CDH12: variants seen among roughly 807,000 people sequenced by gnomAD.
CDH12 encodes the protein cadherin-12.
Under a neutral mutation model 74.1 loss-of-function variants are expected in CDH12, and 41 were observed. That is an observed-to-expected ratio of 0.55 (90% CI 0.43 to 0.72). The LOEUF is 0.72. Ranked by LOEUF, CDH12 falls within the 30% of genes least tolerant of loss-of-function variation. The pLI is 0.00. For synonymous variants in CDH12, 399 were observed against 355.0 expected (o/e 1.12, Z -1.39); for missense variants, 945 against 977.2 (o/e 0.97, Z 0.44).
chr5:21,875,671 A>C (rs1316091818), intron 6 of CDH12, among the ~76,000 whole-genome samples: 2 of 10,566 alleles, frequency 1.9e-4, no homozygotes, highest in Admixed American at 2.0e-3. Context: ...GTACTTCCGG[A>C]AGTACTGGAC....
intron 4 of CDH12, among the ~76,000 whole-genome samples, chr5:22,197,887 TTTTTC>T (rs1750712893): frequency 6.6e-6 from 1 of 152,160 alleles, no homozygotes; most frequent in African/African-American, 2.4e-5. Flanking sequence ...CTTTCTTATT[TTTTTC>T]TTTTCTTATG....
chr5:22,275,297 A>G (rs1580470860), intron 3 of CDH12, among the ~76,000 whole-genome samples: 1 of 151,938 alleles, frequency 6.6e-6, no homozygotes, highest in Admixed American at 6.6e-5. Flanking sequence ...GTACAATAAT[A>G]AAAAAAAGGA....
chr5:22,650,172 A>T (rs543186108), intron 1 of CDH12, among the ~76,000 whole-genome samples: 1 of 152,164 alleles, frequency 6.6e-6, no homozygotes, highest in African/African-American at 2.4e-5. Context: ...AGTGCTAGAA[A>T]ATGATTAGTA....
At chr5:22,321,567 C>T (rs918290227) in intron 3 of CDH12, among the ~76,000 whole-genome samples, 84 of 146,416 alleles carry the variant, frequency 5.7e-4, no homozygotes, top group African/African-American at 1.9e-3. Flanking sequence ...GTGGGTGCAG[C>T]GCACCAGCAC....
At chr5:22,596,351 G>A (rs908994433) in intron 1 of CDH12, among the ~76,000 whole-genome samples, 2 of 152,012 alleles carry the variant, frequency 1.3e-5, no homozygotes, top group Non-Finnish European at 2.9e-5. Context: ...TGAGGCAGGA[G>A]AATCTCTTGA....
chr5:22,256,936 A>G (rs994900015), intron 3 of CDH12, among the ~76,000 whole-genome samples: 2 of 152,196 alleles, frequency 1.3e-5, no homozygotes, highest in African/African-American at 2.4e-5. Context: ...ATGACCATCA[A>G]TGATAGAATA....
intron 1 of CDH12, among the ~76,000 whole-genome samples, chr5:22,507,501 T>A (rs1335859143): frequency 6.6e-6 from 1 of 152,142 alleles, no homozygotes. Flanking sequence ...ATAATCCAGA[T>A]GGGATAACTT....
chr5:21,897,204 G>A (rs1753163767), intron 6 of CDH12, among the ~76,000 whole-genome samples: 3 of 152,122 alleles, frequency 2.0e-5, no homozygotes, highest in Admixed American at 2.0e-4. Context: ...AACATTCACA[G>A]GGTTGCTTTT....
At chr5:22,025,390 T>A (rs529065321) in intron 5 of CDH12, among the ~76,000 whole-genome samples, 66 of 152,314 alleles carry the variant, frequency 4.3e-4, no homozygotes, top group African/African-American at 1.6e-3. Context: ...ATGTTCATGC[T>A]ATACTATATT....
chr5:22,156,953 G>C (rs946601017), intron 4 of CDH12, among the ~76,000 whole-genome samples: 2 of 152,168 alleles, frequency 1.3e-5, no homozygotes, highest in South Asian at 2.1e-4. Flanking sequence ...TAACCAGAGG[G>C]GGAAGAAAAG....
At chr5:22,107,874 G>T (rs1198714163) in intron 4 of CDH12, among the ~76,000 whole-genome samples, 2 of 152,182 alleles carry the variant, frequency 1.3e-5, no homozygotes, top group East Asian at 3.9e-4. Flanking sequence ...CACTAAAGCA[G>T]CAGGGATATA....
chr5:22,585,574 T>C (rs2126790260), intron 1 of CDH12, among the ~76,000 whole-genome samples: 1 of 152,272 alleles, frequency 6.6e-6, no homozygotes, highest in South Asian at 2.1e-4. Flanking sequence ...CTAATCTCTA[T>C]GTCTCTTAAC....
intron 3 of CDH12, among the ~76,000 whole-genome samples, chr5:22,223,808 GATAAACAAC>G (rs1451113645): frequency 6.6e-6 from 1 of 151,974 alleles, no homozygotes; most frequent in Non-Finnish European, 1.5e-5. Flanking sequence ...GTATCCTGGT[GATAAACAAC>G]ATGGTGCCCA....
chr5:22,462,550 C>T (rs1486429045), intron 2 of CDH12, among the ~76,000 whole-genome samples: 1 of 152,126 alleles, frequency 6.6e-6, no homozygotes, highest in Admixed American at 6.5e-5. Context: ...ACTGTGGTCC[C>T]TGGGTGGAAA....
At chr5:22,318,877 T>C (rs1738742979) in intron 3 of CDH12, among the ~76,000 whole-genome samples, 1 of 151,966 alleles carries the variant, frequency 6.6e-6, no homozygotes, top group African/African-American at 2.4e-5. Flanking sequence ...GCCTGTCTGG[T>C]AGGGGAAAAA....
At chr5:22,822,694 C>T (rs1402308035) in intron 1 of CDH12, among the ~76,000 whole-genome samples, 16 of 152,268 alleles carry the variant, frequency 1.1e-4, no homozygotes, top group Non-Finnish European at 1.8e-4. Context: ...TACCATCTCA[C>T]ACCAGTCAGA....
At chr5:22,727,530 C>A (rs1488572419) in intron 1 of CDH12, among the ~76,000 whole-genome samples, 5 of 151,544 alleles carry the variant, frequency 3.3e-5, no homozygotes, top group African/African-American at 1.2e-4. Context: ...ATAGTCATTA[C>A]TCGTTTAGAT....
chr5:22,392,962 G>A (rs1169811736), intron 3 of CDH12, among the ~76,000 whole-genome samples: 2 of 152,042 alleles, frequency 1.3e-5, no homozygotes, highest in South Asian at 2.1e-4. Flanking sequence ...GTCACCTCCA[G>A]GCAGCCTATT....
At chr5:22,266,447 C>A in intron 3 of CDH12, among the ~76,000 whole-genome samples, 1 of 152,058 alleles carries the variant, frequency 6.6e-6, no homozygotes, top group East Asian at 1.9e-4. Flanking sequence ...TCTGATATTT[C>A]ATAGATTCAA....
Sources: gnomAD v4.1 joint callset for allele counts (sites outside exome capture counted in the v4.1 genomes callset) on GRCh38, gnomAD v4.1.1 for gene constraint, MANE v1.5 for transcripts, NCBI Gene and HGNC (gene_info 2026-07-23, HGNC 2026-07-21) for gene names.